The following RBM46 variants were observed in gnomAD, a reference collection of about 807,000 sequenced individuals.
RBM46 encodes the protein RNA binding motif protein 46.
A neutral mutation model predicts 43.3 loss-of-function variants in RBM46; 12 were observed. The observed-to-expected ratio is 0.28, with a 90% CI of 0.18 to 0.45. The LOEUF is 0.45. RBM46 is among the 20% of genes least tolerant of loss of function. The probability of loss-of-function intolerance (pLI) is 1.00; values close to 1 mark genes in which losing one functional copy is unlikely to be tolerated. For synonymous variants in RBM46, 205 were observed against 207.6 expected (o/e 0.99, Z 0.11); for missense variants, 412 against 639.1 (o/e 0.64, Z 3.83).
chr4:154,814,441 C>T (rs1437626593), intron 4 of RBM46, among the ~76,000 whole-genome samples: 2 of 151,986 alleles, frequency 1.3e-5, no homozygotes, highest in Non-Finnish European at 2.9e-5. Flanking sequence ...TTGCATTTGA[C>T]AGGAAATTGA....
chr4:154,825,088 C>T (rs1735896692), intron 4 of RBM46, among the ~76,000 whole-genome samples: 1 of 151,966 alleles, frequency 6.6e-6, no homozygotes. Flanking sequence ...AACTTATATT[C>T]TGAAATTGGC....
At chr4:154,821,601 A>G (rs545301426) in intron 4 of RBM46, among the ~76,000 whole-genome samples, 1 of 151,846 alleles carries the variant, frequency 6.6e-6, no homozygotes, top group East Asian at 1.9e-4. Context: ...AAGCAACTAG[A>G]CTTATTTTCA....
intron 4 of RBM46, among the ~76,000 whole-genome samples, chr4:154,819,548 T>C (rs1431567599): frequency 6.6e-6 from 1 of 152,166 alleles, no homozygotes; most frequent in East Asian, 1.9e-4. Context: ...TTTTTGTTTT[T>C]AATAATTTCT....
intron 4 of RBM46, chr4:154,827,441 G>T (rs764355158): frequency 6.0e-5 from 60 of 995,624 alleles, no homozygotes; most frequent in Non-Finnish European, 7.2e-5. Context: ...TGTTTCTGCT[G>T]GTTTGATGCC....
Position 154,798,843 on chromosome 4 carries a change from G to A in RBM46, c.681G>A (p.Val227=), listed in dbSNP as rs994458165. Residue 227 remains valine, a synonymous_variant, in exon 4 of 5, where the codon GTG becomes GTA. Transcript: ENST00000281722. Reference sequence around the variant, plus strand: ...ATTGGGCTGACCCAGAGAAAGAGGTGGATGAGGAAACCATGCAGAGAGTTA... The same window carrying A: ...ATTGGGCTGACCCAGAGAAAGAGGTAGATGAGGAAACCATGCAGAGAGTTA... The part of the protein sequence containing the change: ...QVDWADPEKE[V]DEETMQRVKV... The A allele has an allele frequency of 6.3e-7, 1 of 1,596,050 alleles. No homozygotes were observed. The highest frequency in any genetic ancestry group is 8.5e-7 in the Non-Finnish European group (1 of 1,171,228).
intron 4 of RBM46, among the ~76,000 whole-genome samples, chr4:154,817,193 G>A (rs1373163861): frequency 6.6e-6 from 1 of 151,826 alleles, no homozygotes; most frequent in Admixed American, 6.6e-5. Flanking sequence ...TATAAGATTG[G>A]TGTTACATCG....
chr4:154,801,123 C>T (rs1443401788), intron 4 of RBM46, among the ~76,000 whole-genome samples: 2 of 151,906 alleles, frequency 1.3e-5, no homozygotes, highest in Non-Finnish European at 2.9e-5. Flanking sequence ...GGATTACAGG[C>T]GCCCACCACC....
chr4:154,787,757 A>G (rs1195905860), intron 1 of RBM46, among the ~76,000 whole-genome samples: 2 of 152,208 alleles, frequency 1.3e-5, no homozygotes, highest in Admixed American at 1.3e-4. Flanking sequence ...AGGAATCACC[A>G]CACTGTCTTC....
At chr4:154,785,907 T>C (rs1295812272) in intron 1 of RBM46, among the ~76,000 whole-genome samples, 2 of 152,210 alleles carry the variant, frequency 1.3e-5, no homozygotes, top group African/African-American at 4.8e-5. Flanking sequence ...TAAGGTCCAC[T>C]TGCAGTTGTA....
intron 4 of RBM46, among the ~76,000 whole-genome samples, chr4:154,817,407 A>C (rs1735503950): frequency 1.4e-5 from 2 of 144,870 alleles, no homozygotes; most frequent in Non-Finnish European, 3.0e-5. Flanking sequence ...ATCTCGGCTC[A>C]CTGCAACCTC....
At chr4:154,822,972 A>G (rs1254043085) in intron 4 of RBM46, among the ~76,000 whole-genome samples, 1 of 151,886 alleles carries the variant, frequency 6.6e-6, no homozygotes. Flanking sequence ...ACATTTGTAC[A>G]TATTATTCCT....
At chr4:154,801,900 A>T (rs1734657233) in intron 4 of RBM46, among the ~76,000 whole-genome samples, 1 of 152,226 alleles carries the variant, frequency 6.6e-6, no homozygotes, top group Admixed American at 6.5e-5. Flanking sequence ...GATCAAGGTA[A>T]CATCAGTAAA....
intron 4 of RBM46, 92 bp from the exon 5 acceptor site, chr4:154,827,776 A>G: frequency 6.3e-7 from 1 of 1,578,904 alleles, no homozygotes; most frequent in South Asian, 1.2e-5. Context: ...ACATTATGTT[A>G]AAATGTGATT....
At chr4:154,818,923 C>T (rs1225324799) in intron 4 of RBM46, among the ~76,000 whole-genome samples, 1 of 152,086 alleles carries the variant, frequency 6.6e-6, no homozygotes, top group Non-Finnish European at 1.5e-5. Flanking sequence ...GTGATTTCTA[C>T]TTCCTTCCAA....
intron 1 of RBM46, among the ~76,000 whole-genome samples, chr4:154,796,160 C>G (rs1383534778): frequency 6.6e-6 from 1 of 152,132 alleles, no homozygotes; most frequent in Admixed American, 6.5e-5. Context: ...AAGTGAGACT[C>G]TGTCTCAAAA....
At chr4:154,792,239 A>G (rs2111110883) in intron 1 of RBM46, among the ~76,000 whole-genome samples, 1 of 152,000 alleles carries the variant, frequency 6.6e-6, no homozygotes, top group Admixed American at 6.5e-5. Context: ...AAAAATATTT[A>G]CAGATTACTA....
intron 1 of RBM46, among the ~76,000 whole-genome samples, chr4:154,789,205 A>G (rs1268376452): frequency 6.6e-6 from 1 of 152,168 alleles, no homozygotes; most frequent in Non-Finnish European, 1.5e-5. Context: ...AGAACTTCCA[A>G]CACTATGTTG....
chr4:154,790,518 A>C (rs1304354238), intron 1 of RBM46: 1 of 152,228 alleles, frequency 6.6e-6, no homozygotes, highest in Non-Finnish European at 1.5e-5. Context: ...AAGCAAAATG[A>C]GTTTCTTCAG....
chr4:154,808,780 C>T (rs1336585128), intron 4 of RBM46, among the ~76,000 whole-genome samples: 1 of 151,980 alleles, frequency 6.6e-6, no homozygotes, highest in Admixed American at 6.6e-5. Context: ...AGGCATTTCA[C>T]CTGTATATAT....
Sources: allele counts gnomAD v4.1 joint callset (sites outside exome capture counted in the v4.1 genomes callset), GRCh38; gene constraint gnomAD v4.1.1; transcripts MANE v1.5; gene names NCBI Gene and HGNC (gene_info 2026-07-23, HGNC 2026-07-21).